DLGAP2: variants seen among roughly 807,000 people sequenced by gnomAD.
DLGAP2 encodes disks large-associated protein 2.
A neutral mutation model predicts 100.3 loss-of-function variants in DLGAP2; 26 were observed. The observed-to-expected ratio is 0.26, with a 90% confidence interval of 0.19 to 0.36. The LOEUF is 0.36. DLGAP2 is among the 10% of genes least tolerant of loss of function. The pLI is 1.00. For missense variants in DLGAP2, 1,858 were observed against 1,453.2 expected (o/e 1.28, Z -4.53); for synonymous variants, 886 against 630.1 (o/e 1.41, Z -6.08).
intron 2 of DLGAP2, among the ~76,000 whole-genome samples, chr8:1,258,281 C>A (rs1171525633): frequency 1.1e-4 from 16 of 152,188 alleles, no homozygotes; most frequent in Non-Finnish European, 4.4e-5. Flanking sequence ...TAAGTAATTT[C>A]TGTTCACCTA....
intron 8 of DLGAP2, among the ~76,000 whole-genome samples, chr8:1,668,010 G>A (rs938034544): frequency 5.3e-5 from 8 of 150,182 alleles, no homozygotes; most frequent in East Asian, 2.0e-4. Flanking sequence ...GGGGACGCAC[G>A]TTGCCTAGCT....
At chr8:1,624,288 G>A (rs904270625) in intron 6 of DLGAP2, among the ~76,000 whole-genome samples, 3 of 152,132 alleles carry the variant, frequency 2.0e-5, no homozygotes, top group Non-Finnish European at 2.9e-5. Context: ...AGGAAGCATG[G>A]AAGGAGAGCA....
intron 3 of DLGAP2, among the ~76,000 whole-genome samples, chr8:1,324,442 T>C (rs1800974771): frequency 6.6e-6 from 1 of 152,236 alleles, no homozygotes; most frequent in African/African-American, 2.4e-5. Context: ...TCTGCGTTAC[T>C]GTCTGAAATT....
At chr8:1,137,754 T>C (rs1796448007) in intron 2 of DLGAP2, 1 of 152,244 alleles carries the variant, frequency 6.6e-6, no homozygotes, top group South Asian at 2.1e-4. Flanking sequence ...AATGTGTTTT[T>C]GGAAATAAAC....
chr8:1,117,292 A>G (rs11136347), intron 2 of DLGAP2, among the ~76,000 whole-genome samples: 38,677 of 152,148 alleles, frequency 0.25, 5,790 homozygotes, highest in Non-Finnish European at 0.32. Context: ...AGGTGTGCAG[A>G]CAGATCCCAC....
At chr8:975,169 C>T (rs1296254545) in intron 2 of DLGAP2, among the ~76,000 whole-genome samples, 1 of 151,990 alleles carries the variant, frequency 6.6e-6, no homozygotes, top group Non-Finnish European at 1.5e-5. Context: ...GTTTGAAAAA[C>T]AAACCTGTCA....
intron 2 of DLGAP2, among the ~76,000 whole-genome samples, chr8:1,141,790 A>C (rs1019320522): frequency 2.6e-5 from 4 of 152,234 alleles, no homozygotes; most frequent in Non-Finnish European, 1.5e-5. Flanking sequence ...GACTGAAAAA[A>C]ATGACTCAAG....
chr8:1,494,900 G>C (rs4876066), intron 3 of DLGAP2, among the ~76,000 whole-genome samples: 113,030 of 152,094 alleles, frequency 0.74, 42,372 homozygotes, highest in African/African-American at 0.82. Flanking sequence ...TTCCCCAGGC[G>C]TCAATTTCTG....
chr8:1,152,922 A>G (rs1796720458), intron 2 of DLGAP2, among the ~76,000 whole-genome samples: 1 of 152,214 alleles, frequency 6.6e-6, no homozygotes, highest in African/African-American at 2.4e-5. Flanking sequence ...ATCTTTTTGC[A>G]AAGTATGGAA....
At chr8:1,273,956 T>C (rs1287080389) in intron 3 of DLGAP2, among the ~76,000 whole-genome samples, 2 of 152,230 alleles carry the variant, frequency 1.3e-5, no homozygotes, top group Non-Finnish European at 2.9e-5. Context: ...ATGCTCTTTC[T>C]GATTTTGAAA....
chr8:1,116,024 G>A (rs962304050), intron 2 of DLGAP2, among the ~76,000 whole-genome samples: 4 of 152,188 alleles, frequency 2.6e-5, no homozygotes, highest in African/African-American at 9.7e-5. Flanking sequence ...CATTCACTCC[G>A]TCAGACGTGG....
At chr8:899,740 G>T (rs762542087) in intron 1 of DLGAP2, among the ~76,000 whole-genome samples, 17 of 152,226 alleles carry the variant, frequency 1.1e-4, no homozygotes, top group Non-Finnish European at 1.6e-4. Flanking sequence ...TAGCTGGAAA[G>T]AATTAATTGA....
intron 3 of DLGAP2, among the ~76,000 whole-genome samples, chr8:1,350,117 G>C (rs534557783): frequency 6.6e-6 from 1 of 152,284 alleles, no homozygotes; most frequent in East Asian, 1.9e-4. Context: ...AAATCAGCTG[G>C]TTATTAAACT....
At chr8:808,121 C>T (rs1392677216) in intron 1 of DLGAP2, among the ~76,000 whole-genome samples, 1 of 152,180 alleles carries the variant, frequency 6.6e-6, no homozygotes. Flanking sequence ...TGACACCTGC[C>T]TCACAGGGTC....
chr8:904,273 A>G (rs1163092144), intron 1 of DLGAP2, among the ~76,000 whole-genome samples: 2 of 152,118 alleles, frequency 1.3e-5, no homozygotes, highest in African/African-American at 2.4e-5. Flanking sequence ...TAATCCCAGC[A>G]CTTTGGGAGG....
intron 4 of DLGAP2, among the ~76,000 whole-genome samples, chr8:1,548,414 G>T (rs555811412): frequency 7.0e-6 from 1 of 141,930 alleles, no homozygotes; most frequent in Non-Finnish European, 1.5e-5. Flanking sequence ...AGCCGTGATC[G>T]CGCCATTGCA....
Position 1,442,556 on chromosome 8 carries a change from C to G in DLGAP2, c.107-58810C>G, listed in dbSNP as rs7004157. Among the ~76,000 whole-genome samples the G allele has an allele frequency of 5.4e-4, 72 of 134,328 alleles. 1 individual carries two copies. The highest frequency in any genetic ancestry group is 2.1e-3 in the African/African-American group (66 of 32,166). The allele number at this position is 134,328 out of a possible 152,430, so 88.1% of individuals were successfully genotyped here. ...GTTCAGCCACTGGGGGAGACGGATCCGGGCGTAGACCCGCCAGGCTGCTGT... is the reference window on the plus strand; with the variant it reads ...GTTCAGCCACTGGGGGAGACGGATCGGGGCGTAGACCCGCCAGGCTGCTGT... On this transcript the variant is annotated intron_variant, in intron 3 of 14. Transcript: ENST00000637795.
chr8:826,292 T>C (rs988241104), intron 1 of DLGAP2, among the ~76,000 whole-genome samples: 3 of 152,224 alleles, frequency 2.0e-5, no homozygotes, highest in Non-Finnish European at 1.5e-5. Flanking sequence ...AACATGGGCA[T>C]GCAGATACCT....
rs1347847082 is a variant in DLGAP2 at position 1,676,457 on chromosome 8, CACA to C, written c.2203-65_2203-63del. On this transcript the variant is annotated intron_variant, in intron 10 of 14. Transcript: ENST00000637795. ...AATGCGTAATTAATTACAGCAAATC[CACA>C]ACAACAACAAAATAGTCCCTTGCCC... The C allele has an allele frequency of 3.2e-5, 47 of 1,464,088 alleles. 1 individual carries two copies. In the South Asian group the frequency reaches 5.3e-4, roughly 17 times the overall value. The allele number at this position is 1,464,088 out of a possible 1,614,324, so 90.7% of individuals were successfully genotyped here. A position where few individuals can be genotyped will look rare whatever the true frequency, so the allele number is the denominator to read the frequency against.
Sources: allele counts gnomAD v4.1 joint callset (sites outside exome capture counted in the v4.1 genomes callset), GRCh38; gene constraint gnomAD v4.1.1; transcripts MANE v1.5; gene names NCBI Gene and HGNC (gene_info 2026-07-23, HGNC 2026-07-21).